Variants in PGR observed in about 807,000 individuals in gnomAD.
The protein encoded by PGR is nuclear receptor subfamily 3 group C member 3.
Under a neutral mutation model 76.1 loss-of-function variants are expected in PGR, and 25 were observed. The observed-to-expected ratio is 0.33, with a 90% confidence interval of 0.24 to 0.46. The LOEUF is 0.46. PGR is among the 20% of genes least tolerant of loss of function. The pLI is 1.00. For synonymous variants in PGR, 579 were observed against 535.0 expected (o/e 1.08, Z -1.14); for missense variants, 1,172 against 1,225.3 (o/e 0.96, Z 0.65).
rs755673175 is a variant in PGR, at chr11:101,128,190, G to T, written c.881C>A (p.Ser294Tyr). 2.4e-5 allele frequency: 38 copies of T among 1,598,486 alleles called. No homozygotes were observed. The highest frequency in any genetic ancestry group is 3.1e-5 in the Non-Finnish European group (37 of 1,179,664). The change falls in exon 1 of 8, where the codon TCC becomes TAC. Residue 294 changes from serine to tyrosine, a missense_variant. Physicochemically the swap from Ser to Tyr is moderately radical, Grantham distance 144 (BLOSUM62 -2). This residue lies in a region of PGR where 893 missense variants were observed against 785.9 expected (regional missense o/e 1.14). Transcript: ENST00000325455. Reference protein sequence around the residue: ...EQDAPMAPGRSPLATTVMDFI... With the variant: ...EQDAPMAPGRYPLATTVMDFI... ...ATCCATCACCGTGGTGGCCAGCGGG[G>T]AGCGCCCGGGCGCCATCGGCGCGTC...
intron 3 of PGR, among the ~76,000 whole-genome samples, chr11:101,076,647 CAA>C (rs1176502758): frequency 6.6e-6 from 1 of 151,616 alleles, no homozygotes; most frequent in African/African-American, 2.4e-5. Flanking sequence ...ATTTTTATGA[CAA>C]GTGATATGAA....
In PGR at chr11:101,127,529, T is replaced by C. The variant is rs1362313641; in HGVS notation, c.1542A>G (p.Ala514=). The part of the protein sequence containing the change: ...AAGAAPALYP[A]LGLNGLPQLG... ...GCTGCGGGAGCCCGTTGAGGCCGAG[T>C]GCAGGGTAGAGCGCGGGGGCCGCCC... is the stretch of plus-strand genomic sequence containing the variant. Residue 514 remains alanine, a synonymous_variant, in exon 1 of 8, where the codon GCA becomes GCG. Coordinates refer to ENST00000325455, the MANE Select transcript of PGR (RefSeq NM_000926.4). The C allele has an allele frequency of 1.5e-5, 23 of 1,500,514 alleles. No homozygotes were observed. In the East Asian group the frequency reaches 6.2e-4, roughly 40 times the overall value. The allele number at this position is 1,500,514 out of a possible 1,614,324, so 92.9% of individuals were successfully genotyped here.
intron 2 of PGR, among the ~76,000 whole-genome samples, chr11:101,123,968 G>A: frequency 6.6e-6 from 1 of 152,266 alleles, no homozygotes; most frequent in East Asian, 1.9e-4. Context: ...AATCTTTATA[G>A]CAACCCTAAG....
intron 2 of PGR, among the ~76,000 whole-genome samples, chr11:101,108,787 G>C (rs1862256843): frequency 6.6e-6 from 1 of 152,158 alleles, no homozygotes. Context: ...AATTAAGGGA[G>C]ATACAAGCAT....
chr11:101,030,906 A>AGGACAAATGC lies in PGR; in HGVS notation c.*8200_*8209dup, dbSNP rs1859330212. 1 of 190,822 alleles carries AGGACAAATGC rather than the reference A, an allele frequency of 5.2e-6. No individual in the cohort carries two copies. The highest frequency in any genetic ancestry group is 1.1e-5 in the Non-Finnish European group (1 of 91,018). 11.8% of individuals were successfully genotyped at this position (190,822 alleles called of 1,614,324 possible). ...AGAAGAAGGAAGATGTAGGGCAAAG[A>AGGACAAATGC]GGACAAATGCCTACATTCTGAGACT... On this transcript the variant is annotated 3_prime_UTR_variant, in exon 8 of 8. Coordinates refer to ENST00000325455, the MANE Select transcript of PGR (RefSeq NM_000926.4).
chr11:101,115,976 A>G (rs868062499), intron 2 of PGR, among the ~76,000 whole-genome samples: 2 of 152,236 alleles, frequency 1.3e-5, no homozygotes, highest in Middle Eastern at 3.2e-3. Context: ...AAAATAGAGC[A>G]ACACTTAATA....
In PGR at chr11:101,119,651, C is replaced by T. The variant is rs143830107; in HGVS notation, c.1789+6356G>A. On this transcript the variant is annotated intron_variant, in intron 2 of 7. Transcript: ENST00000325455. ...TTTAAAAAAAGGTTGGCTGAGAATC[C>T]TTTGTCCCAATAAAAATCTCAAGTG... is the stretch of plus-strand genomic sequence containing the variant. 4.6e-5 allele frequency among the ~76,000 whole-genome samples: 7 copies of T among 152,224 alleles called. No individual in the cohort carries two copies. In the East Asian group the frequency reaches 1.4e-3, roughly 29 times the overall value.
intron 2 of PGR, among the ~76,000 whole-genome samples, chr11:101,096,880 C>T (rs1861850452): frequency 6.6e-6 from 1 of 152,200 alleles, no homozygotes; most frequent in Non-Finnish European, 1.5e-5. Flanking sequence ...TATTAAACCA[C>T]TCAGAGCATT....
Position 101,037,147 on chromosome 11 carries a change from G to GATT in PGR, c.*1966_*1968dup, listed in dbSNP as rs1371690944. The GATT allele has an allele frequency of 4.9e-6, 1 of 203,714 alleles. No individual in the cohort carries two copies. Among genetic ancestry groups the GATT allele is most frequent in the Non-Finnish European group, 1.0e-5 (1 of 99,322 alleles). The allele number at this position is 203,714 out of a possible 1,614,324, so 12.6% of individuals were successfully genotyped here. A position where few individuals can be genotyped will look rare whatever the true frequency, so the allele number is the denominator to read the frequency against. ...AATATATTGAAAGCCTTTTCAATAAGATTTAATGCAAATGAATTACTGACA... is the reference window on the plus strand; with the variant it reads ...AATATATTGAAAGCCTTTTCAATAAGATTATTTAATGCAAATGAATTACTGACA... On this transcript the variant is annotated 3_prime_UTR_variant, in exon 8 of 8. Transcript: ENST00000325455.
rs1860543294 is a variant in PGR at position 101,062,603 on chromosome 11, G to A, written c.2056C>T (p.Pro686Ser). Residue 686 changes from proline to serine, a missense_variant, in exon 4 of 8, where the codon CCA becomes TCA. By Grantham distance (74) the Pro-to-Ser change is moderately conservative. Around this residue, in one of 4 missense-constraint regions of PGR, gnomAD observed 166 missense variants for 296.0 expected, o/e 0.56. Transcript: ENST00000325455. ...SPGQDIQLIP[P>S]LINLLMSIEP... is the part of the protein sequence containing the mutation. ...ATGCTCATTAACAGGTTGATCAGTG[G>A]TGGAATCAACTGTATGTCTTGACCT... 6.2e-7 allele frequency: 1 copy of A among 1,613,964 alleles called. No individual in the cohort carries two copies. Among genetic ancestry groups the A allele is most frequent in the African/African-American group, 1.3e-5 (1 of 74,998 alleles).
In PGR at chr11:101,128,312, G is replaced by T; in HGVS notation, c.759C>A (p.Ala253=). 1 of 1,594,522 alleles carries T rather than the reference G, an allele frequency of 6.3e-7. No individual in the cohort carries two copies. Among genetic ancestry groups the T allele is most frequent in the Non-Finnish European group, 8.5e-7 (1 of 1,176,634 alleles). Reference sequence around the variant, plus strand: ...CTGCCGCCCCCGGCGGGACAGCCGCGGCTCCTCCTCCAGCCGCCGCGCCAC... The same window carrying T: ...CTGCCGCCCCCGGCGGGACAGCCGCTGCTCCTCCTCCAGCCGCCGCGCCAC... The part of the protein sequence containing the change: ...ALGGAAAGGG[A]AAVPPGAAAG... The change falls in exon 1 of 8, where the codon GCC becomes GCA. Residue 253 remains alanine (A), a synonymous_variant. Coordinates refer to ENST00000325455, the MANE Select transcript of PGR (RefSeq NM_000926.4).
intron 2 of PGR, among the ~76,000 whole-genome samples, chr11:101,099,736 A>G (rs563137380): frequency 1.3e-5 from 2 of 152,248 alleles, no homozygotes; most frequent in East Asian, 3.9e-4. Context: ...TCAGTAAAGT[A>G]TCTCCATGAA....
At chr11:101,103,378 G>C (rs997546148) in intron 2 of PGR, among the ~76,000 whole-genome samples, 1 of 152,012 alleles carries the variant, frequency 6.6e-6, no homozygotes, top group Non-Finnish European at 1.5e-5. Flanking sequence ...GAGCATCTGA[G>C]ACCTTAAGGG....
intron 2 of PGR, among the ~76,000 whole-genome samples, chr11:101,100,990 C>T (rs768926117): frequency 1.3e-5 from 2 of 151,952 alleles, no homozygotes; most frequent in Non-Finnish European, 2.9e-5. Context: ...AAAGACAACT[C>T]CAGCAGGAAT....
Position 101,037,443 on chromosome 11 carries a change from A to T in PGR, c.*1673T>A. 1 of 220,922 alleles carries T rather than the reference A, an allele frequency of 4.5e-6. No homozygotes were observed. The highest frequency in any genetic ancestry group is 9.1e-6 in the Non-Finnish European group (1 of 110,226). 13.7% of individuals were successfully genotyped at this position (220,922 alleles called of 1,614,324 possible). A position where few individuals can be genotyped will look rare whatever the true frequency, so the allele number is the denominator to read the frequency against. Reference sequence around the variant, plus strand: ...ATTCAATCAATATTTGTTGAATGAAATTAGAAATGAAGAAAGTTTTTATGC... The same window carrying T: ...ATTCAATCAATATTTGTTGAATGAATTTAGAAATGAAGAAAGTTTTTATGC... On this transcript the variant is annotated 3_prime_UTR_variant, in exon 8 of 8. Coordinates refer to ENST00000325455, the MANE Select transcript of PGR (RefSeq NM_000926.4).
intron 3 of PGR, among the ~76,000 whole-genome samples, chr11:101,079,236 G>C (rs1447925266): frequency 6.6e-6 from 1 of 152,094 alleles, no homozygotes; most frequent in Non-Finnish European, 1.5e-5. Flanking sequence ...TTTGTAGTAA[G>C]ACCTCAAGGC....
intron 3 of PGR, among the ~76,000 whole-genome samples, chr11:101,083,756 C>T (rs1447771061): frequency 3.3e-5 from 5 of 152,126 alleles, no homozygotes; most frequent in Non-Finnish European, 4.4e-5. Context: ...TACCCAATGC[C>T]CATACCCCTA....
intron 4 of PGR, among the ~76,000 whole-genome samples, chr11:101,058,666 C>A (rs1043562165): frequency 6.6e-6 from 1 of 152,092 alleles, no homozygotes; most frequent in Non-Finnish European, 1.5e-5. Context: ...TCCCTCATAC[C>A]CCCTCTGTCA....
chr11:101,128,861 G>T lies in PGR; in HGVS notation c.210C>A (p.Ser70=). Residue 70 remains serine, a synonymous_variant, in exon 1 of 8, where the codon TCC becomes TCA. Coordinates refer to ENST00000325455, the MANE Select transcript of PGR (RefSeq NM_000926.4). The part of the protein sequence containing the change: ...FPRPCQGQDP[S]DEKTQDQQSL... ...ACTGCTGGTCCTGCGTCTTTTCGTCGGAGGGGTCCTGTCCCTGGCAGGGCC... is the reference window on the plus strand; with the variant it reads ...ACTGCTGGTCCTGCGTCTTTTCGTCTGAGGGGTCCTGTCCCTGGCAGGGCC... 6.2e-7 allele frequency: 1 copy of T among 1,614,172 alleles called. No homozygotes were observed. The highest frequency in any genetic ancestry group is 8.5e-7 in the Non-Finnish European group (1 of 1,180,042).
Sources: gnomAD v4.1 joint callset for allele counts (sites outside exome capture counted in the v4.1 genomes callset) on GRCh38, gnomAD v4.1.1 for gene constraint, gnomAD v4.1.1 regional missense constraint, MANE v1.5 for transcripts, NCBI Gene and HGNC (gene_info 2026-07-23, HGNC 2026-07-21) for gene names.